Variants in IRS4 observed in about 807,000 individuals in gnomAD.
IRS4 encodes insulin receptor substrate 4.
IRS4 carries 15 observed loss-of-function variants against 48.6 expected under a neutral mutation model. The ratio of observed to expected loss-of-function variants is 0.31; its 90% CI spans 0.21 to 0.48. The LOEUF (loss-of-function observed/expected upper bound fraction) is 0.48. Ranked by LOEUF, IRS4 falls within the 20% of genes least tolerant of loss-of-function variation. IRS4 has a pLI of 0.99. For missense variants in IRS4, 987 were observed against 1,023.4 expected (o/e 0.96, Z 0.49); for synonymous variants, 459 against 413.2 (o/e 1.11, Z -1.34).
In IRS4 at chrX:108,736,313, G is replaced by T. The variant is rs2068954344; in HGVS notation, c.32C>A (p.Ala11Glu). The change falls in exon 1 of 2, where the codon GCG becomes GAG. Residue 11 changes from alanine to glutamate, a missense_variant. Physicochemically the swap from Ala to Glu is moderately radical, Grantham distance 107. Transcript: ENST00000372129. Reference protein sequence around the residue: MASCSFTRDQATRRLRGAAAA... With the variant: MASCSFTRDQETRRLRGAAAA... ...TGCTGCACCTCTTAGTCTTCTTGTCGCTTGGTCGCGAGTGAAGGAGCAACT... is the reference window on the plus strand; with the variant it reads ...TGCTGCACCTCTTAGTCTTCTTGTCTCTTGGTCGCGAGTGAAGGAGCAACT... The T allele has an allele frequency of 1.7e-6, 2 of 1,209,453 alleles. No individual in the cohort carries two copies. The highest frequency in any genetic ancestry group is 1.1e-6 in the Non-Finnish European group (1 of 895,096).
In IRS4 at chrX:108,734,268, C is replaced by T. The variant is rs1160154245; in HGVS notation, c.2077G>A (p.Asp693Asn). ...ARGPHRARAF[D>N]EDEDDPYVPM... ...ACGTATGGGTCATCCTCATCTTCATCAAAAGCTCTGGCTCTGTGGGGACCT... is the reference window on the plus strand; with the variant it reads ...ACGTATGGGTCATCCTCATCTTCATTAAAAGCTCTGGCTCTGTGGGGACCT... The change falls in exon 1 of 2, where the codon GAT (aspartate) becomes AAT (asparagine). Residue 693 changes from aspartate to asparagine, a missense_variant. Coordinates refer to ENST00000372129, the MANE Select transcript of IRS4 (RefSeq NM_001379150.1). 3.3e-6 allele frequency: 4 copies of T among 1,211,585 alleles called. No individual in the cohort carries two copies. Among genetic ancestry groups the T allele is most frequent in the South Asian group, 1.8e-5 (1 of 56,956 alleles).
intron 1 of IRS4, among the ~76,000 whole-genome samples, chrX:108,729,731 A>G (rs770289867): frequency 5.8e-4 from 65 of 112,192 alleles, no homozygotes; most frequent in Non-Finnish European, 9.8e-4. Context: ...ATGGAATTAC[A>G]TATTAATTTT....
At chrX:108,728,807 G>A (rs1243320418) in intron 1 of IRS4, among the ~76,000 whole-genome samples, 1 of 111,829 alleles carries the variant, frequency 8.9e-6, no homozygotes, top group East Asian at 2.8e-4. Flanking sequence ...GGGGATTAGG[G>A]AGAGAAAAAG....
At chrX:108,732,386 G>T (rs998791969) in intron 1 of IRS4, 193 bp downstream of exon 1, 3 of 642,370 alleles carry the variant, frequency 4.7e-6, no homozygotes, top group Non-Finnish European at 6.9e-6. Context: ...TCCAGATAAA[G>T]AAATTGATTA....
chrX:108,736,489 G>C lies in IRS4; in HGVS notation c.-145C>G. On this transcript the variant is annotated 5_prime_UTR_variant, in exon 1 of 2. Transcript: ENST00000372129. Reference sequence around the variant, plus strand: ...CGCCCCCGCCCACTCCACTCTGAGCGCACGACAGCGGGCAAAACAACACGT... The same window carrying C: ...CGCCCCCGCCCACTCCACTCTGAGCCCACGACAGCGGGCAAAACAACACGT... 1 of 967,657 alleles carries C rather than the reference G, an allele frequency of 1.0e-6. No individual in the cohort carries two copies. The highest frequency in any genetic ancestry group is 1.4e-6 in the Non-Finnish European group (1 of 709,362). The allele number at this position is 967,657 out of a possible 1,213,427, so 79.7% of individuals were successfully genotyped here.
Position 108,733,277 on chromosome X carries a change from G to C in IRS4, c.3068C>G (p.Ser1023Ter), listed in dbSNP as rs1428248212. 3 of 1,210,040 alleles carry C rather than the reference G, an allele frequency of 2.5e-6. No individual in the cohort carries two copies. The highest frequency in any genetic ancestry group is 3.4e-6 in the Non-Finnish European group (3 of 895,242). ...EGDYIEVIFN[S>*]AMTPAMALAD... The stretch of plus-strand genomic sequence containing the variant: ...AAGAGCCATGGCTGGTGTCATTGCT[G>C]AGTTGAAAATTACTTCAATGTAGTC... The change falls in exon 1 of 2, where the codon TCA becomes TGA. Residue 1023 changes from serine to a stop codon, truncating the protein, a stop_gained. Transcript: ENST00000372129. LOFTEE classifies it high-confidence loss of function.
In IRS4 at chrX:108,734,547, A is replaced by T; in HGVS notation, c.1798T>A (p.Ser600Thr). The stretch of plus-strand genomic sequence containing the variant: ...TTTCCACGTTCACCATCACCATCGG[A>T]TCCTTTCCCACTTCCTGAGCCTTTG... ...GGKGSGSGKGSDGDGERGKSL... is the reference protein window; with the variant it reads ...GGKGSGSGKGTDGDGERGKSL... The change falls in exon 1 of 2, where the codon TCC (serine) becomes ACC (threonine). Residue 600 changes from serine (S) to threonine (T), a missense_variant. By Grantham distance (58) the Ser-to-Thr change is moderately conservative. This residue lies in a region of IRS4 where 720 missense variants were observed against 660.3 expected (regional missense o/e 1.09). Coordinates refer to ENST00000372129, the MANE Select transcript of IRS4 (RefSeq NM_001379150.1). 8.3e-7 allele frequency: 1 copy of T among 1,208,692 alleles called. No individual in the cohort carries two copies. The highest frequency in any genetic ancestry group is 1.1e-6 in the Non-Finnish European group (1 of 894,929).
In IRS4 at chrX:108,735,568, G is replaced by A; in HGVS notation, c.777C>T (p.Thr259=). The A allele has an allele frequency of 1.7e-6, 2 of 1,210,104 alleles. No individual in the cohort carries two copies. Among genetic ancestry groups the A allele is most frequent in the South Asian group, 1.8e-5 (1 of 56,870 alleles). The change falls in exon 1 of 2, where the codon ACC becomes ACT. Residue 259 remains threonine (T), a synonymous_variant. Coordinates refer to ENST00000372129, the MANE Select transcript of IRS4 (RefSeq NM_001379150.1). Reference sequence around the variant, plus strand: ...GCCTCACAAACACGACCTCCTCGTCGGTTAGACACAGCCGGAACACGCCGC... The same window carrying A: ...GCCTCACAAACACGACCTCCTCGTCAGTTAGACACAGCCGGAACACGCCGC... ...ELSGVFRLCL[T]DEEVVFVRLN...
chrX:108,736,505 A>G lies in IRS4; in HGVS notation c.-161T>C. On this transcript the variant is annotated 5_prime_UTR_variant, in exon 1 of 2. Coordinates refer to ENST00000372129, the MANE Select transcript of IRS4 (RefSeq NM_001379150.1). The stretch of plus-strand genomic sequence containing the variant: ...ACTCTGAGCGCACGACAGCGGGCAA[A>G]ACAACACGTGACCACAGCCTCACGC... The G allele has an allele frequency of 1.1e-6, 1 of 877,399 alleles. No individual in the cohort carries two copies. Among genetic ancestry groups the G allele is most frequent in the Non-Finnish European group, 1.6e-6 (1 of 630,146 alleles). 72.3% of individuals were successfully genotyped at this position (877,399 alleles called of 1,213,427 possible).
At position 108,736,470 on chromosome X, in the gene IRS4, C is replaced by A. The variant is rs2068955873; in HGVS notation, c.-126G>T. 1 of 1,056,579 alleles carries A rather than the reference C, an allele frequency of 9.5e-7. No homozygotes were observed. 87.1% of individuals were successfully genotyped at this position (1,056,579 alleles called of 1,213,427 possible). ...CCCCTCCTGCCTTGGCCCGCGCCCC[C>A]GCCCACTCCACTCTGAGCGCACGAC... On this transcript the variant is annotated 5_prime_UTR_variant, in exon 1 of 2. Transcript: ENST00000372129.
At chrX:108,732,393 A>G in intron 1 of IRS4, 186 bp downstream of exon 1, 1 of 701,859 alleles carries the variant, frequency 1.4e-6, no homozygotes, top group African/African-American at 2.2e-5. Context: ...AAAGAAATTG[A>G]TTAGATAAAA....
chrX:108,720,967 A>G lies in IRS4; in HGVS notation c.*1552T>C, dbSNP rs957303583. 1 of 113,098 alleles carries G rather than the reference A, an allele frequency of 8.8e-6. No homozygotes were observed. The highest frequency in any genetic ancestry group is 1.9e-5 in the Non-Finnish European group (1 of 53,451). The allele number at this position is 113,098 out of a possible 1,213,427, so 9.3% of individuals were successfully genotyped here. On this transcript the variant is annotated 3_prime_UTR_variant, in exon 2 of 2. Coordinates refer to ENST00000372129, the MANE Select transcript of IRS4 (RefSeq NM_001379150.1). ...TATAAGCTTGCTTGAAGATAGAAGTACACGTTCAAAGACATTAAAACCAAG... is the reference window on the plus strand; with the variant it reads ...TATAAGCTTGCTTGAAGATAGAAGTGCACGTTCAAAGACATTAAAACCAAG...
At chrX:108,723,352 A>C (rs768157037) in intron 1 of IRS4, 4 of 111,916 alleles carry the variant, frequency 3.6e-5, no homozygotes, top group Non-Finnish European at 7.5e-5. Flanking sequence ...TTTCTCATCA[A>C]AGGTTTTACA....
Position 108,736,529 on chromosome X carries a change from G to C in IRS4, c.-185C>G. ...AAACAACACGTGACCACAGCCTCAC[G>C]CGGCGGCCGCTGCGGATCCTGCTAC... On this transcript the variant is annotated 5_prime_UTR_variant, in exon 1 of 2. Coordinates refer to ENST00000372129, the MANE Select transcript of IRS4 (RefSeq NM_001379150.1). 3 of 741,043 alleles carry C rather than the reference G, an allele frequency of 4.0e-6. No homozygotes were observed. The allele number at this position is 741,043 out of a possible 1,213,427, so 61.1% of individuals were successfully genotyped here.
Position 108,719,997 on chromosome X carries a change from G to GAT in IRS4, c.*2520_*2521dup, listed in dbSNP as rs1324572831. 9.0e-6 allele frequency: 1 copy of GAT among 111,321 alleles called. No individual in the cohort carries two copies. The highest frequency in any genetic ancestry group is 1.9e-5 in the Non-Finnish European group (1 of 53,136). 9.2% of individuals were successfully genotyped at this position (111,321 alleles called of 1,213,427 possible). On this transcript the variant is annotated 3_prime_UTR_variant, in exon 2 of 2. Transcript: ENST00000372129. ...AGTAGCTGTATGGAAAGGCAAGTCAGATATATATAGATATACATATATATA... is the reference window on the plus strand; with the variant it reads ...AGTAGCTGTATGGAAAGGCAAGTCAGATATATATATAGATATACATATATATA...
At position 108,736,380 on chromosome X, in the gene IRS4, A is replaced by T; in HGVS notation, c.-36T>A. 8.3e-7 allele frequency: 1 copy of T among 1,208,027 alleles called. No individual in the cohort carries two copies. The highest frequency in any genetic ancestry group is 1.1e-6 in the Non-Finnish European group (1 of 894,282). On this transcript the variant is annotated 5_prime_UTR_variant, in exon 1 of 2. Transcript: ENST00000372129. Reference sequence around the variant, plus strand: ...GATGGTTTTAAGGTGAGCGAGGAGGAGGGGGAATTCAGGAAAGGGAGGGTT... The same window carrying T: ...GATGGTTTTAAGGTGAGCGAGGAGGTGGGGGAATTCAGGAAAGGGAGGGTT...
chrX:108,733,507 G>A lies in IRS4; in HGVS notation c.2838C>T (p.Gly946=), dbSNP rs748152854. ...PSTQGLPDSW[G]IIAEPRQSAF... ...CTGACTGTCTGGGTTCAGCAATTATGCCCCACGAATCTGGTAGTCCTTGAG... is the reference window on the plus strand; with the variant it reads ...CTGACTGTCTGGGTTCAGCAATTATACCCCACGAATCTGGTAGTCCTTGAG... The change falls in exon 1 of 2, where the codon GGC becomes GGT. Residue 946 remains glycine, a synonymous_variant. Transcript: ENST00000372129. The A allele has an allele frequency of 5.8e-6, 7 of 1,211,894 alleles. No individual in the cohort carries two copies. Among genetic ancestry groups the A allele is most frequent in the Middle Eastern group, 2.3e-4 (1 of 4,355 alleles).
At position 108,735,247 on chromosome X, in the gene IRS4, G is replaced by A; in HGVS notation, c.1098C>T (p.Leu366=). The stretch of plus-strand genomic sequence containing the variant: ...ACCTTCTGAGCCAGCCTCCCGGCTC[G>A]AGCGGCACCAAGCCCAGGTGCCTCC... ...SARRHLGLVP[L]EPGGWLRRSR... is the part of the protein sequence containing the mutation. Residue 366 remains leucine (L), a synonymous_variant, in exon 1 of 2, where the codon CTC becomes CTT. Transcript: ENST00000372129. 1 of 1,211,669 alleles carries A rather than the reference G, an allele frequency of 8.3e-7. No individual in the cohort carries two copies. The highest frequency in any genetic ancestry group is 1.1e-6 in the Non-Finnish European group (1 of 895,588).
intron 1 of IRS4, chrX:108,725,992 TGGTA>T (rs2068873086): frequency 8.9e-6 from 1 of 112,102 alleles, no homozygotes; most frequent in South Asian, 3.7e-4. Flanking sequence ...AGGATTTTCA[TGGTA>T]GGTCAGCTTC....
Sources: allele counts gnomAD v4.1 joint callset (sites outside exome capture counted in the v4.1 genomes callset), GRCh38; gene constraint gnomAD v4.1.1; regional missense constraint gnomAD v4.1.1; transcripts MANE v1.5; gene names NCBI Gene and HGNC (gene_info 2026-07-23, HGNC 2026-07-21).